The following TCF12 variants were observed in gnomAD, a reference collection of about 807,000 sequenced individuals.
TCF12 encodes the protein transcription factor 12, also known as DNA-binding protein HTF4.
A neutral mutation model predicts 86.0 loss-of-function variants in TCF12; 45 were observed. That is an observed-to-expected ratio of 0.52 (90% CI 0.41 to 0.67). TCF12 has a LOEUF of 0.67. Ranked by LOEUF, TCF12 falls within the 30% of genes least tolerant of loss-of-function variation. TCF12 has a pLI of 0.00. For missense variants in TCF12, 881 were observed against 859.9 expected, an observed-to-expected ratio of 1.02 and a Z score of -0.31; for synonymous variants, 330 against 299.6, an observed-to-expected ratio of 1.10 and a Z score of -1.05.
At chr15:57,099,437 T>C (rs902331298) in intron 5 of TCF12, among the ~76,000 whole-genome samples, 1 of 151,950 alleles carries the variant, frequency 6.6e-6, no homozygotes, top group African/African-American at 2.4e-5. Context: ...AGGGAAAAAA[T>C]ATATTTCATT....
At chr15:57,096,457 T>C (rs183499438) in intron 5 of TCF12, among the ~76,000 whole-genome samples, 291 of 152,200 alleles carry the variant, frequency 1.9e-3, no homozygotes, top group African/African-American at 6.8e-3. Context: ...GTTAATAGAA[T>C]TGCTATACAG....
At chr15:56,934,618 A>G (rs1173427294) in intron 3 of TCF12, among the ~76,000 whole-genome samples, 2 of 152,208 alleles carry the variant, frequency 1.3e-5, no homozygotes, top group Admixed American at 1.3e-4. Flanking sequence ...GTCTGGGTAT[A>G]TAAAATAGCT....
rs1597650941 is a variant in TCF12, at chr15:57,252,293, G to C, written c.1189-128G>C. 15 of 639,780 alleles carry C rather than the reference G, an allele frequency of 2.3e-5. No homozygotes were observed. In the East Asian group the frequency reaches 4.2e-4, roughly 18 times the overall value. 39.6% of individuals were successfully genotyped at this position (639,780 alleles called of 1,614,324 possible). ...AGCCTTTTCATATCTTAATAAAATAGATCTCGCAAGTCTTGGCGTTAACTT... is the reference window on the plus strand; with the variant it reads ...AGCCTTTTCATATCTTAATAAAATACATCTCGCAAGTCTTGGCGTTAACTT... On this transcript the variant is annotated intron_variant, in intron 14 of 20. Coordinates refer to ENST00000333725, the MANE Select transcript of TCF12 (RefSeq NM_207037.2).
chr15:57,274,855 T>C (rs2061307804), intron 19 of TCF12, among the ~76,000 whole-genome samples: 2 of 152,250 alleles, frequency 1.3e-5, no homozygotes, highest in Non-Finnish European at 2.9e-5. Context: ...ATGCAGTCAT[T>C]TGTGTTTTTA....
intron 7 of TCF12, among the ~76,000 whole-genome samples, chr15:57,196,211 C>G (rs750291224): frequency 1.2e-4 from 18 of 151,810 alleles, no homozygotes; most frequent in Non-Finnish European, 2.2e-4. Context: ...ACTGAACATG[C>G]ATAGACTTAT....
At chr15:57,168,369 A>T (rs1314677067) in intron 6 of TCF12, among the ~76,000 whole-genome samples, 1 of 152,232 alleles carries the variant, frequency 6.6e-6, no homozygotes, top group Non-Finnish European at 1.5e-5. Context: ...GCAATTGAAC[A>T]TCTAGCCCCC....
At chr15:57,120,622 A>G (rs1337769923) in intron 5 of TCF12, among the ~76,000 whole-genome samples, 1 of 152,182 alleles carries the variant, frequency 6.6e-6, no homozygotes, top group Non-Finnish European at 1.5e-5. Context: ...TATTTATATT[A>G]TATGGACAAT....
At chr15:56,971,151 C>G (rs1360124081) in intron 3 of TCF12, among the ~76,000 whole-genome samples, 1 of 151,964 alleles carries the variant, frequency 6.6e-6, no homozygotes, top group East Asian at 1.9e-4. Context: ...GGGCTGGGAG[C>G]CTTGGCTCAC....
At chr15:56,966,246 C>G (rs540237163) in intron 3 of TCF12, among the ~76,000 whole-genome samples, 1 of 151,960 alleles carries the variant, frequency 6.6e-6, no homozygotes, top group Non-Finnish European at 1.5e-5. Context: ...TTTGCTATTA[C>G]TTTCAATGGC....
chr15:57,271,291 A>T (rs539334421), intron 18 of TCF12, among the ~76,000 whole-genome samples: 1 of 152,270 alleles, frequency 6.6e-6, no homozygotes, highest in South Asian at 2.1e-4. Context: ...AAGCCTCAGT[A>T]ATGGTGGATG....
Position 56,918,702 on chromosome 15 carries a change from A to G in TCF12, c.-227A>G, listed in dbSNP as rs2059609836. On this transcript the variant is annotated 5_prime_UTR_variant, in exon 1 of 21. Transcript: ENST00000333725. ...AAAAAATGTCCGCCTGAAGAGACCC[A>G]CAAGTTCTATTCGGGGGGACCGACA... 5.6e-6 allele frequency: 1 copy of G among 179,168 alleles called. No homozygotes were observed. Among genetic ancestry groups the G allele is most frequent in the Non-Finnish European group, 1.2e-5 (1 of 83,910 alleles). 11.1% of individuals were successfully genotyped at this position (179,168 alleles called of 1,614,324 possible). A position where few individuals can be genotyped will look rare whatever the true frequency, so the allele number is the denominator to read the frequency against.
chr15:57,049,892 ATTAT>A (rs2067494267), intron 3 of TCF12, among the ~76,000 whole-genome samples: 2 of 152,054 alleles, frequency 1.3e-5, no homozygotes, highest in African/African-American at 4.8e-5. Context: ...TGCGCCATTA[ATTAT>A]TTTGTGCCTT....
At chr15:57,028,738 A>G (rs146770120) in intron 3 of TCF12, among the ~76,000 whole-genome samples, 2 of 152,234 alleles carry the variant, frequency 1.3e-5, no homozygotes, top group African/African-American at 4.8e-5. Flanking sequence ...CTTACTGCAA[A>G]ATTGTGAAGA....
Position 57,263,176 on chromosome 15 carries a change from G to A in TCF12, c.1647G>A (p.Lys549=). Residue 549 remains lysine (K), a synonymous_variant, in exon 18 of 21, where the codon AAG becomes AAA. Transcript: ENST00000333725. Reference sequence around the variant, plus strand: ...AAATCAAGACTGAAAACAAAGAAAAGGATGAAAACCTTCATGAACCTCCTT... The same window carrying A: ...AAATCAAGACTGAAAACAAAGAAAAAGATGAAAACCTTCATGAACCTCCTT... The part of the protein sequence containing the change: ...TTEIKTENKE[K]DENLHEPPSS... 6.2e-7 allele frequency: 1 copy of A among 1,613,244 alleles called. No individual in the cohort carries two copies. The highest frequency in any genetic ancestry group is 8.5e-7 in the Non-Finnish European group (1 of 1,179,714).
chr15:57,248,412 G>A (rs1294402161), intron 13 of TCF12, among the ~76,000 whole-genome samples: 2 of 152,220 alleles, frequency 1.3e-5, no homozygotes, highest in African/African-American at 2.4e-5. Flanking sequence ...GAAAAGATGA[G>A]CATTTGCAGT....
At chr15:57,136,079 G>A (rs1421453837) in intron 5 of TCF12, among the ~76,000 whole-genome samples, 1 of 152,172 alleles carries the variant, frequency 6.6e-6, no homozygotes, top group African/African-American at 2.4e-5. Context: ...ATTAAATTAT[G>A]TGGAAATCTA....
intron 3 of TCF12, among the ~76,000 whole-genome samples, chr15:56,970,698 A>C (rs998476037): frequency 7.9e-5 from 12 of 151,656 alleles, no homozygotes; most frequent in African/African-American, 2.9e-4. Flanking sequence ...AAAATTAAAG[A>C]TAAGACTTTT....
chr15:57,086,212 G>GATAATAATAATAATAAT (rs2048615261), intron 4 of TCF12, among the ~76,000 whole-genome samples: 2 of 141,622 alleles, frequency 1.4e-5, no homozygotes, highest in Non-Finnish European at 3.0e-5. Context: ...GGATGATGAT[G>GATAATAATAATAATAAT]ATAATAATAA....
intron 16 of TCF12, among the ~76,000 whole-genome samples, chr15:57,260,436 A>G (rs1056506184): frequency 6.6e-6 from 1 of 152,230 alleles, no homozygotes; most frequent in African/African-American, 2.4e-5. Flanking sequence ...TCACATGTAT[A>G]ACATACACTA....
Sources: allele counts gnomAD v4.1 joint callset (sites outside exome capture counted in the v4.1 genomes callset), GRCh38; gene constraint gnomAD v4.1.1; transcripts MANE v1.5; gene names NCBI Gene and HGNC (gene_info 2026-07-23, HGNC 2026-07-21).